The following ADGRV1 variants were observed in gnomAD, a reference collection of about 807,000 sequenced individuals.
The protein encoded by ADGRV1 is adhesion G protein-coupled receptor V1.
A neutral mutation model predicts 596.2 loss-of-function variants in ADGRV1; 359 were observed. The observed-to-expected ratio is 0.60, with a 90% CI of 0.55 to 0.66. ADGRV1 has a LOEUF of 0.66. Among genes scored for constraint, ADGRV1 ranks in the 30% least tolerant of loss-of-function variants. The pLI is 0.00. For missense variants in ADGRV1, 7,274 were observed against 7,575.6 expected (o/e 0.96, Z 1.48); for synonymous variants, 2,681 against 2,679.2 (o/e 1.00, Z -0.02).
At chr5:90,615,126 T>G (rs1763206245) in intron 2 of ADGRV1, 107 bp downstream of exon 2, 1 of 632,942 alleles carries the variant, frequency 1.6e-6, no homozygotes, top group African/African-American at 1.9e-5. Flanking sequence ...AGTTTCATTA[T>G]GATAAATGAT....
Position 90,708,906 on chromosome 5 carries a change from C to T in ADGRV1, c.8821C>T (p.Leu2941=). The T allele has an allele frequency of 1.2e-6, 2 of 1,603,492 alleles. No homozygotes were observed. The highest frequency in any genetic ancestry group is 2.2e-5 in the East Asian group (1 of 44,712). The part of the protein sequence containing the change: ...MAASTSFPPR[L]DSEGLTAQVI... ...TGCTTCAACTTCATTTCCTCCCAGA[C>T]TAGGTATGAGGGGTTTCTTGTTTGT... The change falls in exon 39 of 90, where the codon CTA becomes TTA. Residue 2941 remains leucine, a synonymous_variant. Transcript: ENST00000405460.
chr5:90,586,113 T>G (rs1252777373), intron 1 of ADGRV1, among the ~76,000 whole-genome samples: 1 of 152,176 alleles, frequency 6.6e-6, no homozygotes, highest in Non-Finnish European at 1.5e-5. Flanking sequence ...ATTAAATATT[T>G]TTATTATAAA....
In ADGRV1 at chr5:90,782,914, T is replaced by C. The variant is rs535157367; in HGVS notation, c.13232-210T>C. Reference sequence around the variant, plus strand: ...TGTTTAAATGCTAATTGTACTGTTCTCTGTAACTTTCAACATCTGATAAAC... The same window carrying C: ...TGTTTAAATGCTAATTGTACTGTTCCCTGTAACTTTCAACATCTGATAAAC... On this transcript the variant is annotated intron_variant, in intron 65 of 89. Transcript: ENST00000405460. Among the ~76,000 whole-genome samples the C allele has an allele frequency of 3.9e-5, 6 of 152,332 alleles. No homozygotes were observed. In the East Asian group the frequency reaches 1.2e-3, roughly 29 times the overall value.
At chr5:90,662,224 C>G (rs1191120298) in intron 21 of ADGRV1, among the ~76,000 whole-genome samples, 1 of 130,658 alleles carries the variant, frequency 7.7e-6, no homozygotes, top group Non-Finnish European at 1.5e-5. Context: ...GAGTCACGCT[C>G]TGTCGCCCAC....
chr5:90,645,802 G>T (rs1365569088), intron 15 of ADGRV1, among the ~76,000 whole-genome samples, 166 bp from the exon 16 acceptor site: 1 of 151,996 alleles, frequency 6.6e-6, no homozygotes, highest in Non-Finnish European at 1.5e-5. Flanking sequence ...TTTTGGGGGG[G>T]TCTGAGTCTT....
chr5:90,724,289 G>A (rs1751468368), intron 45 of ADGRV1, among the ~76,000 whole-genome samples: 1 of 152,094 alleles, frequency 6.6e-6, no homozygotes, highest in East Asian at 1.9e-4. Flanking sequence ...GAGTGCAGTG[G>A]CACTATCTCG....
At chr5:90,578,530 ATT>A (rs369420784) in intron 1 of ADGRV1, among the ~76,000 whole-genome samples, 13,427 of 151,972 alleles carry the variant, frequency 0.088, 1,838 homozygotes, top group African/African-American at 0.3. Flanking sequence ...TTTACTGAGG[ATT>A]TTTGCATCGA....
rs541912135 is a variant in ADGRV1 at position 90,981,791 on chromosome 5, G to A, written c.17974-3553G>A. ...AAGAAAGTAAATCATGTAAATGCAGGACAATAAACAATGCTGTACAGAAGT... is the reference window on the plus strand; with the variant it reads ...AAGAAAGTAAATCATGTAAATGCAGAACAATAAACAATGCTGTACAGAAGT... On this transcript the variant is annotated intron_variant, in intron 84 of 89. Coordinates refer to ENST00000405460, the MANE Select transcript of ADGRV1 (RefSeq NM_032119.4). 2.0e-4 allele frequency among the ~76,000 whole-genome samples: 30 copies of A among 152,240 alleles called. No homozygotes were observed. In the South Asian group the frequency reaches 3.5e-3, roughly 18 times the overall value.
intron 77 of ADGRV1, 109 bp downstream of exon 77, chr5:90,829,295 G>A (rs951172221): frequency 6.1e-6 from 6 of 977,754 alleles, no homozygotes; most frequent in Admixed American, 2.6e-5. Flanking sequence ...GGATAACATC[G>A]TAATTCACTT....
chr5:90,899,735 C>G (rs1771660788), intron 83 of ADGRV1, among the ~76,000 whole-genome samples: 3 of 145,034 alleles, frequency 2.1e-5, no homozygotes, highest in Non-Finnish European at 4.6e-5. Flanking sequence ...TTCTCTAGGC[C>G]TTGCTTACCA....
At chr5:91,162,731 T>C (rs1387189789) in intron 89 of ADGRV1, among the ~76,000 whole-genome samples, 1 of 152,156 alleles carries the variant, frequency 6.6e-6, no homozygotes, top group Non-Finnish European at 1.5e-5. Flanking sequence ...AGGGCTTGGC[T>C]AGAAGGTCAC....
intron 83 of ADGRV1, among the ~76,000 whole-genome samples, chr5:90,935,687 A>G (rs1316728166): frequency 6.6e-6 from 1 of 152,216 alleles, no homozygotes; most frequent in South Asian, 2.1e-4. Context: ...CTATACACAT[A>G]ACTCTGGTAT....
Position 90,738,820 on chromosome 5 carries a change from T to A in ADGRV1, c.10550-6226T>A, listed in dbSNP as rs1753584483. 2.0e-5 allele frequency among the ~76,000 whole-genome samples: 3 copies of A among 152,180 alleles called. No individual in the cohort carries two copies. The South Asian group carries it at 6.2e-4, about 32-fold the overall frequency. ...TGGAGAACTTTGAGCTTCCAATTTC[T>A]AGATAGTGTTGTCTTTCCCCAGATT... On this transcript the variant is annotated intron_variant, in intron 50 of 89. Coordinates refer to ENST00000405460, the MANE Select transcript of ADGRV1 (RefSeq NM_032119.4).
chr5:90,644,523 T>C (rs1383478032), intron 14 of ADGRV1, among the ~76,000 whole-genome samples, 183 bp from the exon 15 acceptor site: 1 of 152,210 alleles, frequency 6.6e-6, no homozygotes, highest in Non-Finnish European at 1.5e-5. Context: ...ATTATATACC[T>C]ACAGAGGGAG....
At chr5:90,614,324 T>G in intron 1 of ADGRV1, 1 of 300,674 alleles carries the variant, frequency 3.3e-6, no homozygotes, top group Non-Finnish European at 6.5e-6. Flanking sequence ...GATTAGAATT[T>G]CTTTGCAATA....
intron 1 of ADGRV1, 144 bp downstream of exon 1, chr5:90,559,061 C>T (rs776515209): frequency 2.6e-5 from 16 of 608,848 alleles, no homozygotes; most frequent in Middle Eastern, 4.6e-4. Context: ...TGGGCGCGCA[C>T]CCGGCGCCGC....
Position 90,810,882 on chromosome 5 carries a change from G to C in ADGRV1, c.15622G>C (p.Ala5208Pro). ...TPAVSEKPDVATVTANVSIHG... is the reference protein window; with the variant it reads ...TPAVSEKPDVPTVTANVSIHG... ...TGCTGTGTCTGAAAAGCCTGATGTG[G>C]CCACTGTAACTGCCAATGTTTCCAT... The change falls in exon 74 of 90, where the codon GCC becomes CCC. Residue 5208 changes from alanine (A) to proline (P), a missense_variant. Around this residue, in one of 5 missense-constraint regions of ADGRV1, gnomAD observed 1,874 missense variants for 1,970.2 expected, o/e 0.95. Transcript: ENST00000405460. 6.2e-7 allele frequency: 1 copy of C among 1,614,012 alleles called. No individual in the cohort carries two copies. Among genetic ancestry groups the C allele is most frequent in the Non-Finnish European group, 8.5e-7 (1 of 1,179,892 alleles).
chr5:90,957,681 G>A (rs1428852207), intron 83 of ADGRV1, among the ~76,000 whole-genome samples: 1 of 148,632 alleles, frequency 6.7e-6, no homozygotes. Context: ...ACTATATGAA[G>A]TTTTTCCTAG....
At chr5:91,013,060 G>T (rs1257395334) in intron 85 of ADGRV1, among the ~76,000 whole-genome samples, 2 of 151,858 alleles carry the variant, frequency 1.3e-5, no homozygotes, top group African/African-American at 2.4e-5. Flanking sequence ...ACATGATCTT[G>T]TTCTTTTTTA....
Sources: allele counts gnomAD v4.1 joint callset (sites outside exome capture counted in the v4.1 genomes callset), GRCh38; gene constraint gnomAD v4.1.1; regional missense constraint gnomAD v4.1.1; transcripts MANE v1.5; gene names NCBI Gene and HGNC (gene_info 2026-07-23, HGNC 2026-07-21).